The following AGBL1 variants were observed in gnomAD, a reference collection of about 807,000 sequenced individuals.
AGBL1 encodes cytosolic carboxypeptidase 4.
A neutral mutation model predicts 118.9 loss-of-function variants in AGBL1; 130 were observed. That is an observed-to-expected ratio of 1.09 (90% CI 0.95 to 1.26). AGBL1 has a LOEUF of 1.26. Among genes scored for constraint, AGBL1 ranks in the 50% most tolerant of loss-of-function variants. The pLI, the probability that AGBL1 is intolerant of heterozygous loss-of-function variation, is 0.00. For synonymous variants in AGBL1, 555 were observed against 478.9 expected (o/e 1.16, Z -2.08); for missense variants, 1,584 against 1,298.1 (o/e 1.22, Z -3.38).
intron 21 of AGBL1, among the ~76,000 whole-genome samples, chr15:86,664,527 C>T (rs1369752497): frequency 6.6e-6 from 1 of 152,164 alleles, no homozygotes; most frequent in Non-Finnish European, 1.5e-5. Flanking sequence ...TGTAAAGGTT[C>T]TGAGAATGTT....
intron 16 of AGBL1, among the ~76,000 whole-genome samples, chr15:86,292,471 G>A (rs529544964): frequency 6.6e-6 from 1 of 152,246 alleles, no homozygotes; most frequent in African/African-American, 2.4e-5. Flanking sequence ...TTAGACTACT[G>A]ACCTTCAGAA....
chr15:86,606,126 C>CAATAAAAAAAA (rs2084573455), intron 21 of AGBL1, among the ~76,000 whole-genome samples: 1 of 96,892 alleles, frequency 1.0e-5, no homozygotes, highest in African/African-American at 4.3e-5. Context: ...GACTCCATCT[C>CAATAAAAAAAA]AAAAAAAAAA....
At chr15:86,945,573 T>G (rs148455324) in intron 23 of AGBL1, among the ~76,000 whole-genome samples, 3,476 of 152,230 alleles carry the variant, frequency 0.023, 50 homozygotes, top group Non-Finnish European at 0.035. Context: ...CTTGGGAGGC[T>G]GAGGTGGGAA....
chr15:86,769,648 A>G (rs553022246), intron 22 of AGBL1, among the ~76,000 whole-genome samples: 2 of 152,148 alleles, frequency 1.3e-5, no homozygotes, highest in East Asian at 3.9e-4. Flanking sequence ...ACACTTGTTC[A>G]TTCACCATCC....
At chr15:86,905,483 A>G (rs2080269487) in intron 22 of AGBL1, among the ~76,000 whole-genome samples, 2 of 152,224 alleles carry the variant, frequency 1.3e-5, no homozygotes, top group East Asian at 3.8e-4. Context: ...GTGAAGCAAC[A>G]AATCTACATG....
At chr15:86,975,138 C>T (rs538030322) in intron 23 of AGBL1, among the ~76,000 whole-genome samples, 1 of 151,870 alleles carries the variant, frequency 6.6e-6, no homozygotes, top group East Asian at 1.9e-4. Flanking sequence ...AGTGGTTTCC[C>T]ATTGCTCTAA....
intron 19 of AGBL1, among the ~76,000 whole-genome samples, chr15:86,525,157 C>CAAAA (rs34846889): frequency 2.8e-4 from 41 of 144,790 alleles, no homozygotes; most frequent in African/African-American, 9.4e-4. Flanking sequence ...ACAATAGCTA[C>CAAAA]AAAAAAAAAA....
chr15:86,959,757 A>G (rs2080972641), intron 23 of AGBL1, among the ~76,000 whole-genome samples: 1 of 151,802 alleles, frequency 6.6e-6, no homozygotes, highest in Non-Finnish European at 1.5e-5. Flanking sequence ...TTGCTTCAAT[A>G]CCCTTTCACA....
chr15:86,443,874 C>G (rs896650097), intron 18 of AGBL1, among the ~76,000 whole-genome samples: 1 of 20,840 alleles, frequency 4.8e-5, no homozygotes. Context: ...GGGTTGACTC[C>G]TCTATATCTT....
chr15:86,355,483 A>G (rs188430159), intron 17 of AGBL1, among the ~76,000 whole-genome samples: 30 of 152,290 alleles, frequency 2.0e-4, no homozygotes, highest in African/African-American at 7.2e-4. Context: ...TGAAATTATC[A>G]TACTATCTGC....
intron 22 of AGBL1, among the ~76,000 whole-genome samples, chr15:86,706,013 G>T (rs2086443491): frequency 6.6e-6 from 1 of 151,954 alleles, no homozygotes; most frequent in African/African-American, 2.4e-5. Context: ...AGTACCAAAT[G>T]CAATAATTCA....
At chr15:86,397,590 C>G (rs749176153) in intron 18 of AGBL1, 44 bp downstream of exon 18, 1 of 1,529,820 alleles carries the variant, frequency 6.5e-7, no homozygotes, top group South Asian at 1.2e-5. Flanking sequence ...ATTATGCTAC[C>G]ACAGTGACAC....
chr15:86,920,957 G>T (rs952915228), downstream of AGBL1, among the ~76,000 whole-genome samples: 3 of 152,160 alleles, frequency 2.0e-5, no homozygotes, highest in Non-Finnish European at 4.4e-5. Context: ...TTGAGGTTTT[G>T]CAATTGGAGA....
chr15:86,915,343 C>T lies in AGBL1; in HGVS notation c.*8049C>T, dbSNP rs1195135106. 6.6e-6 allele frequency: 1 copy of T among 152,204 alleles called. No homozygotes were observed. The highest frequency in any genetic ancestry group is 2.4e-5 in the African/African-American group (1 of 41,446). 9.4% of individuals were successfully genotyped at this position (152,204 alleles called of 1,614,324 possible). A position where few individuals can be genotyped will look rare whatever the true frequency, so the allele number is the denominator to read the frequency against. On this transcript the variant is annotated 3_prime_UTR_variant, in exon 23 of 23. Coordinates refer to ENST00000614907, the MANE Select transcript of AGBL1 (RefSeq NM_001386094.1). ...TCTTAAGGATAAAATGCAGACAGGA[C>T]CTAGTGCTTGAGCCTTTTCAGATCC... is the stretch of plus-strand genomic sequence containing the variant.
At chr15:86,902,425 T>G (rs936363001) in intron 22 of AGBL1, among the ~76,000 whole-genome samples, 2 of 152,182 alleles carry the variant, frequency 1.3e-5, no homozygotes, top group Admixed American at 1.3e-4. Context: ...TTATAAATTT[T>G]AATTCAGCTG....
rs2080919750 is a variant in AGBL1, at chr15:86,955,455, A to C, written c.3222-32532A>C. 2.6e-5 allele frequency among the ~76,000 whole-genome samples: 4 copies of C among 152,078 alleles called. No individual in the cohort carries two copies. In the South Asian group the frequency reaches 8.3e-4, roughly 31 times the overall value. On this transcript the variant is annotated intron_variant, in intron 23 of 24. Coordinates refer to the AGBL1 transcript ENST00000441037. ...GAATTCAACTCAAGATGGAAGAAATAGAAATGAGTAAATTTAAAAAAAGAA... is the reference window on the plus strand; with the variant it reads ...GAATTCAACTCAAGATGGAAGAAATCGAAATGAGTAAATTTAAAAAAAGAA...
At chr15:86,633,833 G>A (rs184456840) in intron 21 of AGBL1, among the ~76,000 whole-genome samples, 2 of 31,690 alleles carry the variant, frequency 6.3e-5, no homozygotes, top group African/African-American at 3.5e-4. Context: ...TATATATAAT[G>A]TATATATATA....
intron 5 of AGBL1, among the ~76,000 whole-genome samples, chr15:86,209,406 G>T (rs531653231): frequency 6.6e-6 from 1 of 152,236 alleles, no homozygotes; most frequent in Admixed American, 6.5e-5. Context: ...GTCTAATATT[G>T]ACAGTGGAGT....
rs1460820444 is a variant in AGBL1, at chr15:86,735,653, G to GATAT, written c.3158+61218_3158+61219insTATA. On this transcript the variant is annotated intron_variant, in intron 22 of 22. Coordinates refer to ENST00000614907, the MANE Select transcript of AGBL1 (RefSeq NM_001386094.1). The stretch of plus-strand genomic sequence containing the variant: ...GTGTGTGTATTTCCTGCTACAAAGA[G>GATAT]AGATATATATATATATTTTATTTGT... Among the ~76,000 whole-genome samples the GATAT allele has an allele frequency of 9.2e-4, 131 of 143,088 alleles. 3 individuals carry two copies. Among genetic ancestry groups the GATAT allele is most frequent in the African/African-American group, 3.3e-3 (122 of 37,276 alleles). The allele number at this position is 143,088 out of a possible 152,430, so 93.9% of individuals were successfully genotyped here. A position where few individuals can be genotyped will look rare whatever the true frequency, so the allele number is the denominator to read the frequency against.
Sources: allele counts gnomAD v4.1 joint callset (sites outside exome capture counted in the v4.1 genomes callset), GRCh38; gene constraint gnomAD v4.1.1; transcripts MANE v1.5; gene names NCBI Gene and HGNC (gene_info 2026-07-23, HGNC 2026-07-21).